Variants in OSBP2 observed in about 807,000 individuals in gnomAD.
The protein encoded by OSBP2 is oxysterol binding protein 2, also known as oxysterol-binding protein 2.
OSBP2 carries 66 observed loss-of-function variants against 96.0 expected under a neutral mutation model. The ratio of observed to expected loss-of-function variants is 0.69; its 90% confidence interval spans 0.56 to 0.84. OSBP2 has a LOEUF of 0.84. Ranked by LOEUF, OSBP2 falls within the 40% of genes least tolerant of loss-of-function variation. The pLI, the probability that OSBP2 is intolerant of heterozygous loss-of-function variation, is 0.00. For missense variants in OSBP2, 1,038 were observed against 1,222.7 expected, an observed-to-expected ratio of 0.85 and a Z score of 2.25; for synonymous variants, 525 against 520.9, an observed-to-expected ratio of 1.01 and a Z score of -0.11.
intron 2 of OSBP2, among the ~76,000 whole-genome samples, chr22:30,755,726 T>G (rs1025350945): frequency 1.3e-5 from 2 of 152,110 alleles, no homozygotes; most frequent in Non-Finnish European, 2.9e-5. Context: ...GAGAAGGAAC[T>G]TTCACCTACG....
intron 12 of OSBP2, among the ~76,000 whole-genome samples, chr22:30,899,773 A>G (rs1379232170): frequency 6.6e-6 from 1 of 152,206 alleles, no homozygotes; most frequent in African/African-American, 2.4e-5. Flanking sequence ...AGTGTATAAA[A>G]AAGATAGCAT....
At chr22:30,714,189 C>T (rs2089406389) in intron 1 of OSBP2, among the ~76,000 whole-genome samples, 1 of 152,168 alleles carries the variant, frequency 6.6e-6, no homozygotes, top group Non-Finnish European at 1.5e-5. Flanking sequence ...GCTTGTTTTA[C>T]TTAACATAAT....
intron 1 of OSBP2, among the ~76,000 whole-genome samples, chr22:30,727,295 CTG>C (rs2089666843): frequency 6.6e-6 from 1 of 152,186 alleles, no homozygotes; most frequent in Non-Finnish European, 1.5e-5. Context: ...TTCCTCCTGT[CTG>C]TGTCTCTCAA....
At chr22:30,823,200 C>T (rs1271453557) in intron 2 of OSBP2, among the ~76,000 whole-genome samples, 1 of 152,198 alleles carries the variant, frequency 6.6e-6, no homozygotes, top group Non-Finnish European at 1.5e-5. Context: ...GCAACCCTCC[C>T]TCCCCGTCCC....
At chr22:30,822,540 G>T in intron 2 of OSBP2, 2 of 1,248,728 alleles carry the variant, frequency 1.6e-6, no homozygotes, top group South Asian at 1.7e-5. Flanking sequence ...TCCGCCGGGC[G>T]GCCCACCGAG....
chr22:30,720,409 T>C (rs1007728448), intron 1 of OSBP2, among the ~76,000 whole-genome samples: 2 of 152,130 alleles, frequency 1.3e-5, no homozygotes, highest in African/African-American at 4.8e-5. Context: ...TGCAGGCAAT[T>C]GGCAGGAGGC....
intron 2 of OSBP2, among the ~76,000 whole-genome samples, chr22:30,788,826 C>A (rs774670499): frequency 4.6e-5 from 7 of 152,138 alleles, no homozygotes; most frequent in Non-Finnish European, 1.0e-4. Flanking sequence ...GATTCTCCTG[C>A]CTCAGCCTTC....
At chr22:30,841,451 C>G (rs2147033657) in intron 2 of OSBP2, among the ~76,000 whole-genome samples, 1 of 152,252 alleles carries the variant, frequency 6.6e-6, no homozygotes, top group East Asian at 1.9e-4. Context: ...TTTCAATTAG[C>G]ATAATGTTTT....
At chr22:30,754,771 C>T (rs1000099573) in intron 2 of OSBP2, among the ~76,000 whole-genome samples, 6 of 152,168 alleles carry the variant, frequency 3.9e-5, no homozygotes, top group African/African-American at 1.4e-4. Flanking sequence ...CATGGACCTC[C>T]TGCTGCTGTG....
At chr22:30,884,900 C>T (rs1214714330) in intron 3 of OSBP2, among the ~76,000 whole-genome samples, 1 of 152,160 alleles carries the variant, frequency 6.6e-6, no homozygotes, top group African/African-American at 2.4e-5. Flanking sequence ...CTGGAGAGAC[C>T]GACCCAATGG....
chr22:30,812,261 G>GA (rs2091019083), intron 2 of OSBP2, among the ~76,000 whole-genome samples: 1 of 152,130 alleles, frequency 6.6e-6, no homozygotes, highest in East Asian at 1.9e-4. Flanking sequence ...CTGCTTCCAG[G>GA]TTCAAGTGAT....
At chr22:30,709,246 AT>A (rs984165397) in intron 1 of OSBP2, among the ~76,000 whole-genome samples, 2 of 151,704 alleles carry the variant, frequency 1.3e-5, no homozygotes, top group African/African-American at 4.8e-5. Flanking sequence ...AATGTCATAA[AT>A]TTTTTTTTGG....
At position 30,906,038 on chromosome 22, in the gene OSBP2, C is replaced by T; in HGVS notation, c.2577C>T (p.Cys859=). 6.7e-7 allele frequency: 1 copy of T among 1,492,254 alleles called. No individual in the cohort carries two copies. The highest frequency in any genetic ancestry group is 9.0e-7 in the Non-Finnish European group (1 of 1,112,416). The allele number at this position is 1,492,254 out of a possible 1,614,324, so 92.4% of individuals were successfully genotyped here. The change falls in exon 13 of 14, where the codon TGC becomes TGT. Residue 859 remains cysteine, a synonymous_variant. Coordinates refer to ENST00000332585, the MANE Select transcript of OSBP2 (RefSeq NM_030758.4). ...CGCGGCGCCGGCGGCTGGAGGCCTGCGGGCCGGGCAGCAGCTGCAGCTCGG... is the reference window on the plus strand; with the variant it reads ...CGCGGCGCCGGCGGCTGGAGGCCTGTGGGCCGGGCAGCAGCTGCAGCTCGG... ...RLSRRRRLEA[C]GPGSSCSSEE...
intron 2 of OSBP2, among the ~76,000 whole-genome samples, chr22:30,802,522 G>T (rs1434796911): frequency 6.6e-6 from 1 of 152,250 alleles, no homozygotes; most frequent in Non-Finnish European, 1.5e-5. Flanking sequence ...CTCCAGCCTC[G>T]ATTGGGGCGC....
At position 30,867,031 on chromosome 22, in the gene OSBP2, T is replaced by C. The variant is rs79733543; in HGVS notation, c.854-3398T>C. ...CTGTGAGAACATGGGAGGTGGGTGA[T>C]GCCACCTTCCCTTGAGGGGTGGTGT... On this transcript the variant is annotated intron_variant, in intron 2 of 13. Transcript: ENST00000332585. Among the ~76,000 whole-genome samples the C allele has an allele frequency of 7.7e-3, 1,178 of 152,298 alleles. 14 individuals are homozygous for C. The highest frequency in any genetic ancestry group is 0.029 in the East Asian group (152 of 5,162).
At chr22:30,703,711 A>G (rs990061523) in intron 1 of OSBP2, among the ~76,000 whole-genome samples, 2 of 151,984 alleles carry the variant, frequency 1.3e-5, no homozygotes, top group African/African-American at 4.8e-5. Flanking sequence ...CCTGACTTCA[A>G]GTGATCTGCC....
chr22:30,701,124 A>C (rs901596540), intron 1 of OSBP2, among the ~76,000 whole-genome samples: 43 of 149,938 alleles, frequency 2.9e-4, no homozygotes, highest in Non-Finnish European at 4.9e-4. Context: ...CCTTTGGCTG[A>C]GGAAGACCAC....
At chr22:30,766,519 G>A (rs1221665204) in intron 2 of OSBP2, among the ~76,000 whole-genome samples, 1 of 152,206 alleles carries the variant, frequency 6.6e-6, no homozygotes, top group Non-Finnish European at 1.5e-5. Context: ...GCATTTGGCA[G>A]TGTCCAGGCA....
At chr22:30,872,180 C>T in intron 3 of OSBP2, 1 of 454,110 alleles carries the variant, frequency 2.2e-6, no homozygotes. Context: ...TTTCCTACAT[C>T]CACCCTCTCA....
Sources: allele counts gnomAD v4.1 joint callset (sites outside exome capture counted in the v4.1 genomes callset), GRCh38; gene constraint gnomAD v4.1.1; transcripts MANE v1.5; gene names NCBI Gene and HGNC (gene_info 2026-07-23, HGNC 2026-07-21).